The following PHLDB1 variants were observed in gnomAD, a reference collection of about 807,000 sequenced individuals.
The protein encoded by PHLDB1 is pleckstrin homology-like domain family B member 1.
PHLDB1 carries 65 observed loss-of-function variants against 139.3 expected under a neutral mutation model. The ratio of observed to expected loss-of-function variants is 0.47; its 90% CI spans 0.38 to 0.57. The LOEUF is 0.57. Among genes scored for constraint, PHLDB1 ranks in the 20% least tolerant of loss-of-function variants. The pLI is 0.00. For synonymous variants in PHLDB1, 679 were observed against 734.5 expected, an observed-to-expected ratio of 0.92 and a Z score of 1.22; for missense variants, 1,624 against 1,839.7, an observed-to-expected ratio of 0.88 and a Z score of 2.14.
Position 118,656,797 on chromosome 11 carries a change from G to T in PHLDB1, c.4108G>T (p.Glu1370Ter). ...GATGGATGTCATTGTCACAGGGGCT[G>T]AGGGCTACACTCAGTTCATGAACTA... The part of the protein sequence containing the change: ...IWMDVIVTGA[E>*]GYTQFMN Residue 1370 changes from glutamate (E) to a stop codon, truncating the protein, a stop_gained, in exon 23 of 23, where the codon GAG becomes TAG. Transcript: ENST00000600882. LOFTEE classifies it high-confidence loss of function. 1.2e-6 allele frequency: 2 copies of T among 1,614,082 alleles called. No homozygotes were observed. Among genetic ancestry groups the T allele is most frequent in the Non-Finnish European group, 1.7e-6 (2 of 1,179,926 alleles).
chr11:118,607,365 GGTGGT>G (rs1939359279), upstream of PHLDB1, among the ~76,000 whole-genome samples: 1 of 139,826 alleles, frequency 7.2e-6, no homozygotes. Context: ...TGGTGGTGGT[GGTGGT>G]GGTGGTGGTG....
intron 10 of PHLDB1, 75 bp from the exon 11 acceptor site, chr11:118,638,816 G>A (rs927537349): frequency 3.8e-5 from 42 of 1,117,608 alleles, no homozygotes; most frequent in Non-Finnish European, 5.1e-5. Flanking sequence ...TGTCTGGGCA[G>A]GAGAGCCAGC....
chr11:118,617,893 T>A (rs1941973638), intron 4 of PHLDB1, among the ~76,000 whole-genome samples: 1 of 151,892 alleles, frequency 6.6e-6, no homozygotes, highest in Non-Finnish European at 1.5e-5. Flanking sequence ...GATGAGACAA[T>A]AGAGCAGCAA....
At chr11:118,644,670 C>T (rs1004741464) in intron 15 of PHLDB1, 5 of 1,289,924 alleles carry the variant, frequency 3.9e-6, no homozygotes, top group Non-Finnish European at 5.1e-6. Flanking sequence ...CGCCGAGCCC[C>T]TCCCAACCGA....
rs1364164838 is a variant in PHLDB1 at position 118,645,617 on chromosome 11, G to A, written c.3383G>A (p.Gly1128Asp). The stretch of plus-strand genomic sequence containing the variant: ...ATGGAGACCAGCATCTCCACCGGGG[G>A]CAACTCGGCCTGCTCCCCTGACAAC... The part of the protein sequence containing the change: ...DSMETSISTG[G>D]NSACSPDNMS... The change falls in exon 16 of 23, where the codon GGC becomes GAC. Residue 1128 changes from glycine to aspartate, a missense_variant. Physicochemically the swap from Gly to Asp is moderately conservative, Grantham distance 94. Transcript: ENST00000600882. This position sits in a 1 kb window ranked among gnomAD's most constrained non-coding sequence, Gnocchi z 5.1. 2.5e-6 allele frequency: 4 copies of A among 1,613,142 alleles called. No homozygotes were observed. Among genetic ancestry groups the A allele is most frequent in the Non-Finnish European group, 2.5e-6 (3 of 1,179,300 alleles).
intron 12 of PHLDB1, chr11:118,639,897 C>T: frequency 1.0e-6 from 1 of 986,790 alleles, no homozygotes; most frequent in Non-Finnish European, 1.2e-6. Flanking sequence ...AGAGATGGGG[C>T]TGGGGACTAA....
chr11:118,609,156 C>T, intron 1 of PHLDB1, among the ~76,000 whole-genome samples: 1 of 148,488 alleles, frequency 6.7e-6, no homozygotes, highest in Non-Finnish European at 1.5e-5. Flanking sequence ...CAGCCCAGCT[C>T]ACACAAGCAG....
chr11:118,631,646 G>A (rs7943460), intron 7 of PHLDB1, among the ~76,000 whole-genome samples, 167 bp downstream of exon 7: 2,091 of 152,294 alleles, frequency 0.014, 59 homozygotes, highest in African/African-American at 0.046. Flanking sequence ...GGGAGGTGTT[G>A]ATGAGCTTCC....
At chr11:118,623,210 G>A (rs1272214739) in intron 4 of PHLDB1, among the ~76,000 whole-genome samples, 1 of 152,258 alleles carries the variant, frequency 6.6e-6, no homozygotes, top group Non-Finnish European at 1.5e-5. Flanking sequence ...GTGCCAAGTG[G>A]CACCAGATTG....
In PHLDB1 at chr11:118,608,033, G is replaced by A. The variant is rs1254892850; in HGVS notation, c.-22+334G>A. On this transcript the variant is annotated intron_variant, in intron 1 of 22. Coordinates refer to ENST00000600882, the MANE Select transcript of PHLDB1 (RefSeq NM_001144758.3). This position sits in a 1 kb window ranked among gnomAD's most constrained non-coding sequence, Gnocchi z 6.7. ...CCCGCCGGCACCCAGGCGGCCGGGC[G>A]GACACTCGCGGGGTATCGGGCGGCG... Among the ~76,000 whole-genome samples, 1 of 152,088 alleles carries A rather than the reference G, an allele frequency of 6.6e-6. No individual in the cohort carries two copies. The highest frequency in any genetic ancestry group is 1.5e-5 in the Non-Finnish European group (1 of 67,990).
intron 12 of PHLDB1, 77 bp downstream of exon 12, chr11:118,639,328 AC>A: frequency 9.8e-7 from 1 of 1,018,898 alleles, no homozygotes; most frequent in South Asian, 1.3e-5. Context: ...TGGCACTTTC[AC>A]CCCAGTAGCT....
intron 3 of PHLDB1, chr11:118,615,459 A>C (rs1941438814): frequency 6.5e-6 from 1 of 152,966 alleles, no homozygotes; most frequent in South Asian, 2.1e-4. Flanking sequence ...TCCTGGCTGC[A>C]CTTGTTGCCT....
intron 17 of PHLDB1, chr11:118,647,687 T>G: frequency 2.5e-6 from 1 of 401,650 alleles, no homozygotes; most frequent in East Asian, 3.7e-5. Context: ...GTTTAAATGA[T>G]TTTATCAGGA....
chr11:118,639,570 G>C, intron 12 of PHLDB1: 1 of 448,476 alleles, frequency 2.2e-6, no homozygotes. Context: ...GGGCTGGATG[G>C]ACTCACCTTG....
In PHLDB1 at chr11:118,627,293, A is replaced by G. The variant is rs1163981911; in HGVS notation, c.482-12A>G. ...GCTCCCTAAAGTCAAAGACCTTTGCATTTCCCTCCAGCAGAATCAGAAAGT... is the reference window on the plus strand; with the variant it reads ...GCTCCCTAAAGTCAAAGACCTTTGCGTTTCCCTCCAGCAGAATCAGAAAGT... On this transcript the variant is annotated splice_polypyrimidine_tract_variant and intron_variant, in intron 5 of 22. Coordinates refer to ENST00000600882, the MANE Select transcript of PHLDB1 (RefSeq NM_001144758.3). 1 of 1,612,198 alleles carries G rather than the reference A, an allele frequency of 6.2e-7. No individual in the cohort carries two copies. The highest frequency in any genetic ancestry group is 1.3e-5 in the African/African-American group (1 of 74,718).
At chr11:118,654,796 C>A (rs1008120347) in intron 20 of PHLDB1, 1 of 139,118 alleles carries the variant, frequency 7.2e-6, no homozygotes, top group Non-Finnish European at 1.5e-5. Context: ...CAGCTCACTG[C>A]AACCTCCGCC....
chr11:118,618,006 C>T (rs1330079562), intron 4 of PHLDB1, among the ~76,000 whole-genome samples: 3 of 152,122 alleles, frequency 2.0e-5, no homozygotes, highest in Admixed American at 2.0e-4. Context: ...ATGTTGTGAG[C>T]AGGGTATGCT....
intron 1 of PHLDB1, chr11:118,613,286 C>G: frequency 1.0e-6 from 1 of 985,250 alleles, no homozygotes; most frequent in Non-Finnish European, 1.2e-6. Context: ...TTTTGTGTCT[C>G]CTTTAAGAAA....
In PHLDB1 at chr11:118,608,689, A is replaced by G. The variant is rs1939569171; in HGVS notation, c.-22+990A>G. Among the ~76,000 whole-genome samples the G allele has an allele frequency of 6.6e-6, 1 of 151,986 alleles. No individual in the cohort carries two copies. Among genetic ancestry groups the G allele is most frequent in the African/African-American group, 2.4e-5 (1 of 41,362 alleles). ...AGGCGCCCCACCACGCCGGGCTCCCACGCGGCACACACGCACGCCTCCGCG... is the reference window on the plus strand; with the variant it reads ...AGGCGCCCCACCACGCCGGGCTCCCGCGCGGCACACACGCACGCCTCCGCG... On this transcript the variant is annotated intron_variant, in intron 1 of 22. Coordinates refer to ENST00000600882, the MANE Select transcript of PHLDB1 (RefSeq NM_001144758.3). The surrounding 1 kb of genome is among the most constrained non-coding windows in gnomAD (Gnocchi z 6.7).
Sources: gnomAD v4.1 joint callset for allele counts (sites outside exome capture counted in the v4.1 genomes callset) on GRCh38, gnomAD v4.1.1 for gene constraint, Gnocchi (gnomAD v3.1) non-coding constraint, MANE v1.5 for transcripts, NCBI Gene and HGNC (gene_info 2026-07-23, HGNC 2026-07-21) for gene names.